PDCD11: variants seen among roughly 807,000 people sequenced by gnomAD.
PDCD11 encodes the protein protein RRP5 homolog.
A neutral mutation model predicts 198.9 loss-of-function variants in PDCD11; 97 were observed. The observed-to-expected ratio is 0.49, with a 90% CI of 0.41 to 0.58. The LOEUF is 0.58. PDCD11 is among the 20% of genes least tolerant of loss of function. The probability of loss-of-function intolerance (pLI) is 0.00; values close to 1 mark genes in which losing one functional copy is unlikely to be tolerated. For synonymous variants in PDCD11, 893 were observed against 918.0 expected, an observed-to-expected ratio of 0.97 and a Z score of 0.49; for missense variants, 2,102 against 2,312.7, an observed-to-expected ratio of 0.91 and a Z score of 1.87.
chr10:103,410,232 C>A (rs1381276384), intron 8 of PDCD11, among the ~76,000 whole-genome samples: 1 of 143,780 alleles, frequency 7.0e-6, no homozygotes, highest in African/African-American at 2.6e-5. Context: ...GAGACTCCAT[C>A]TCAAAAAAAA....
chr10:103,417,647 G>A, intron 13 of PDCD11, 145 bp from the exon 14 acceptor site: 1 of 798,028 alleles, frequency 1.3e-6, no homozygotes, highest in Non-Finnish European at 2.0e-6. Flanking sequence ...AGCTCTCAGT[G>A]CATTTCTTCT....
intron 5 of PDCD11, 79 bp from the exon 6 acceptor site, chr10:103,405,906 G>T: frequency 6.8e-7 from 1 of 1,472,956 alleles, no homozygotes; most frequent in South Asian, 1.2e-5. Flanking sequence ...TTAGTGGCAG[G>T]AACATTCAAG....
intron 12 of PDCD11, among the ~76,000 whole-genome samples, chr10:103,415,934 C>T (rs1342303678): frequency 6.6e-6 from 1 of 152,110 alleles, no homozygotes; most frequent in African/African-American, 2.4e-5. Flanking sequence ...TTAGATTTTC[C>T]GGTATTCAGT....
In PDCD11 at chr10:103,398,289, C is replaced by T. The variant is rs2093447974; in HGVS notation, c.-11-127C>T. ...ATTCCGGGCCTGACATCTAAACCATCTATGTTGTAGTCCTGAATGTTGTCT... is the reference window on the plus strand; with the variant it reads ...ATTCCGGGCCTGACATCTAAACCATTTATGTTGTAGTCCTGAATGTTGTCT... On this transcript the variant is annotated intron_variant, in intron 1 of 35. Transcript: ENST00000369797. The T allele has an allele frequency of 7.8e-6, 5 of 638,352 alleles. No individual in the cohort carries two copies. In the South Asian group the frequency reaches 9.4e-5, roughly 12 times the overall value. 39.5% of individuals were successfully genotyped at this position (638,352 alleles called of 1,614,324 possible). A position where few individuals can be genotyped will look rare whatever the true frequency, so the allele number is the denominator to read the frequency against.
chr10:103,417,512 A>C (rs2031176165), intron 13 of PDCD11, among the ~76,000 whole-genome samples: 1 of 152,262 alleles, frequency 6.6e-6, no homozygotes, highest in Non-Finnish European at 1.5e-5. Context: ...ATGTGTAACG[A>C]TCAAACCAGG....
At chr10:103,400,376 G>A (rs771914455) in intron 2 of PDCD11, 21 bp from the exon 3 acceptor site, 8 of 1,598,630 alleles carry the variant, frequency 5.0e-6, no homozygotes, top group Non-Finnish European at 6.8e-6. Context: ...GTCTTTGTGG[G>A]CTCCCCCTAC....
intron 30 of PDCD11, 125 bp from the exon 31 acceptor site, chr10:103,441,696 GGAGGA>G (rs899383610): frequency 8.2e-5 from 64 of 784,542 alleles, no homozygotes; most frequent in African/African-American, 3.1e-4. Flanking sequence ...GCATGGCCTA[GGAGGA>G]GAGGAGAGGA....
intron 17 of PDCD11, among the ~76,000 whole-genome samples, chr10:103,421,878 A>G (rs1470241218): frequency 1.3e-5 from 2 of 149,454 alleles, no homozygotes; most frequent in Non-Finnish European, 3.0e-5. Flanking sequence ...GAGGCAGGAG[A>G]ATGGCGTGAA....
At position 103,423,145 on chromosome 10, in the gene PDCD11, C is replaced by T; in HGVS notation, c.2647+8C>T. On this transcript the variant is annotated splice_region_variant and intron_variant, in intron 18 of 35. Coordinates refer to ENST00000369797, the MANE Select transcript of PDCD11 (RefSeq NM_014976.2). ...GCAGATACCATCGCGCAGGTGAGTG[C>T]TTCTGTCTTACCCATTGTGGTTGGT... 1 of 1,557,126 alleles carries T rather than the reference C, an allele frequency of 6.4e-7. No homozygotes were observed. Among genetic ancestry groups the T allele is most frequent in the Non-Finnish European group, 8.7e-7 (1 of 1,153,040 alleles).
rs889470896 is a variant in PDCD11, at chr10:103,413,121, G to A, written c.984G>A (p.Arg328=). 2.5e-6 allele frequency: 4 copies of A among 1,613,694 alleles called. No homozygotes were observed. The highest frequency in any genetic ancestry group is 3.3e-5 in the Admixed American group (2 of 59,992). ...AGTYFSNQAV[R]ACILCVHPRT... ...CTGCCCTTCCTTTTGTCTAGGTGAGGGCCTGCATCCTTTGCGTCCATCCTC... is the reference window on the plus strand; with the variant it reads ...CTGCCCTTCCTTTTGTCTAGGTGAGAGCCTGCATCCTTTGCGTCCATCCTC... The change falls in exon 9 of 36, where the codon AGG becomes AGA. Residue 328 remains arginine (R), a synonymous_variant. Coordinates refer to ENST00000369797, the MANE Select transcript of PDCD11 (RefSeq NM_014976.2).
At position 103,444,743 on chromosome 10, in the gene PDCD11, C is replaced by G. The variant is rs111754380; in HGVS notation, c.5444+61C>G. The G allele has an allele frequency of 3.8e-4, 570 of 1,481,026 alleles. 2 individuals are homozygous for G. The African/African-American group carries it at 5.1e-3, about 13-fold the overall frequency. 91.7% of individuals were successfully genotyped at this position (1,481,026 alleles called of 1,614,324 possible). Reference sequence around the variant, plus strand: ...GGAGAGGGCGTGGTAGGCACTGGTCCCACAGCAGCTCTCAGCATCCCAGTT... The same window carrying G: ...GGAGAGGGCGTGGTAGGCACTGGTCGCACAGCAGCTCTCAGCATCCCAGTT... On this transcript the variant is annotated intron_variant, in intron 35 of 35. Coordinates refer to ENST00000369797, the MANE Select transcript of PDCD11 (RefSeq NM_014976.2).
At position 103,434,782 on chromosome 10, in the gene PDCD11, T is replaced by G. The variant is rs1232543960; in HGVS notation, c.3668-16T>G. The G allele has an allele frequency of 6.3e-7, 1 of 1,596,654 alleles. No homozygotes were observed. Among genetic ancestry groups the G allele is most frequent in the Non-Finnish European group, 8.5e-7 (1 of 1,170,940 alleles). The stretch of plus-strand genomic sequence containing the variant: ...CTCATTTCCTCTTCCCTGAATCAGG[T>G]TGGTTCTTCCACCAGGTCCTCACAA... On this transcript the variant is annotated splice_polypyrimidine_tract_variant and intron_variant, in intron 24 of 35. Coordinates refer to ENST00000369797, the MANE Select transcript of PDCD11 (RefSeq NM_014976.2).
At chr10:103,427,287 A>G in intron 20 of PDCD11, 42 bp from the exon 21 acceptor site, 1 of 1,551,612 alleles carries the variant, frequency 6.4e-7, no homozygotes, top group African/African-American at 1.4e-5. Context: ...TTACTGTGTT[A>G]CAGAGATGAA....
intron 5 of PDCD11, 100 bp from the exon 6 acceptor site, chr10:103,405,885 A>G (rs760006528): frequency 1.1e-4 from 142 of 1,280,008 alleles, no homozygotes; most frequent in Non-Finnish European, 1.5e-4. Context: ...GGATAGTGGC[A>G]GAGTGTGAGC....
At chr10:103,402,980 C>T in intron 3 of PDCD11, 138 bp from the exon 4 acceptor site, 1 of 791,180 alleles carries the variant, frequency 1.3e-6, no homozygotes. Context: ...CTTGGCCACC[C>T]AAAGTATTGG....
At position 103,441,808 on chromosome 10, in the gene PDCD11, G is replaced by A. The variant is rs2281861; in HGVS notation, c.4558-18G>A. On this transcript the variant is annotated intron_variant, in intron 30 of 35. Transcript: ENST00000369797. ...GCCTGAGCCAGGTGCTTTCTTTAGC[G>A]CCTCTGTGTTCCTCCAGGAGAAGCA... 606,541 of 1,605,270 alleles carry A rather than the reference G, an allele frequency of 0.38. 116,576 individuals are homozygous for A. Among genetic ancestry groups the A allele is most frequent in the South Asian group, 0.49 (44,737 of 90,814 alleles).
chr10:103,434,612 A>C (rs1192226500), intron 24 of PDCD11, 186 bp from the exon 25 acceptor site: 3 of 593,164 alleles, frequency 5.1e-6, no homozygotes, highest in Non-Finnish European at 8.8e-6. Context: ...AGAGTTGTCC[A>C]CCACTTGGCC....
At chr10:103,407,864 A>G (rs1227906319) in intron 7 of PDCD11, among the ~76,000 whole-genome samples, 1 of 151,880 alleles carries the variant, frequency 6.6e-6, no homozygotes, top group Non-Finnish European at 1.5e-5. Context: ...GACTACAGGC[A>G]TACACCACCA....
chr10:103,400,747 T>A (rs757398472), intron 3 of PDCD11, among the ~76,000 whole-genome samples: 14 of 152,292 alleles, frequency 9.2e-5, no homozygotes, highest in Non-Finnish European at 1.9e-4. Flanking sequence ...TTTCTTTTTC[T>A]TTGTATTTAT....
Sources: allele counts gnomAD v4.1 joint callset (sites outside exome capture counted in the v4.1 genomes callset), GRCh38; gene constraint gnomAD v4.1.1; transcripts MANE v1.5; gene names NCBI Gene and HGNC (gene_info 2026-07-23, HGNC 2026-07-21).